Variants in PLXNA4 observed in about 807,000 individuals in gnomAD.
PLXNA4 encodes the protein plexin-A4.
PLXNA4 carries 44 observed loss-of-function variants against 191.8 expected under a neutral mutation model. That is an observed-to-expected ratio of 0.23 (90% CI 0.18 to 0.29). The LOEUF is 0.29. PLXNA4 is among the 10% of genes least tolerant of loss of function. PLXNA4 has a pLI of 1.00. For missense variants in PLXNA4, 1,800 were observed against 2,488.8 expected (o/e 0.72, Z 5.89); for synonymous variants, 1,082 against 1,009.5 (o/e 1.07, Z -1.36).
intron 21 of PLXNA4, among the ~76,000 whole-genome samples, chr7:132,172,772 T>TAATA (rs1030650222): frequency 6.6e-6 from 1 of 151,382 alleles, no homozygotes; most frequent in Non-Finnish European, 1.5e-5. Flanking sequence ...ATAATAATAA[T>TAATA]AATAATAATA....
intron 4 of PLXNA4, among the ~76,000 whole-genome samples, chr7:132,294,640 T>C (rs1438188088): frequency 6.6e-6 from 1 of 152,064 alleles, no homozygotes; most frequent in Non-Finnish European, 1.5e-5. Context: ...TGGTGGGAAA[T>C]AGCCATATTC....
intron 25 of PLXNA4, among the ~76,000 whole-genome samples, chr7:132,154,412 TG>T (rs1490902317): frequency 3.7e-3 from 179 of 47,844 alleles, no homozygotes; most frequent in African/African-American, 8.3e-3. Flanking sequence ...AAAAACGTTC[TG>T]TTTTTTTTTT....
chr7:132,179,758 T>A lies in PLXNA4; in HGVS notation c.3803A>T (p.Asp1268Val). The change falls in exon 20 of 32, where the codon GAC (aspartate) becomes GTC (valine). Residue 1268 changes from aspartate to valine, a missense_variant. Physicochemically the swap from Asp to Val is radical, Grantham distance 152 (BLOSUM62 -3). This residue lies in a region of PLXNA4 where 1,397 missense variants were observed against 1,880.4 expected (regional missense o/e 0.74). Coordinates refer to ENST00000321063, the MANE Select transcript of PLXNA4 (RefSeq NM_020911.2). ...CATCTGCAGCCGCTTCAGCGTGAGG[T>A]CACTTTCGCGGGACTTGCGTTTATA... ...IAYKRKSRES[D>V]LTLKRLQMQM... is the part of the protein sequence containing the mutation. 1 of 1,614,006 alleles carries A rather than the reference T, an allele frequency of 6.2e-7. No homozygotes were observed. Among genetic ancestry groups the A allele is most frequent in the Non-Finnish European group, 8.5e-7 (1 of 1,180,002 alleles).
At chr7:132,307,308 C>T (rs564288577) in intron 3 of PLXNA4, among the ~76,000 whole-genome samples, 5 of 152,264 alleles carry the variant, frequency 3.3e-5, no homozygotes, top group East Asian at 1.9e-4. Flanking sequence ...TTTTTCACAG[C>T]GCTTGTCCCC....
At chr7:132,338,181 A>G (rs1802891122) in intron 3 of PLXNA4, among the ~76,000 whole-genome samples, 1 of 152,194 alleles carries the variant, frequency 6.6e-6, no homozygotes, top group South Asian at 2.1e-4. Context: ...GGACCGCAGG[A>G]TGGAAGGCTA....
chr7:132,308,609 C>A (rs1040590387), intron 3 of PLXNA4, among the ~76,000 whole-genome samples: 2 of 152,138 alleles, frequency 1.3e-5, no homozygotes, highest in Non-Finnish European at 2.9e-5. Flanking sequence ...GGGCAAACAG[C>A]GTGACTCCCA....
At chr7:132,228,952 C>T (rs1020370277) in intron 5 of PLXNA4, among the ~76,000 whole-genome samples, 11 of 152,216 alleles carry the variant, frequency 7.2e-5, no homozygotes, top group African/African-American at 2.7e-4. Context: ...GATGCACCTG[C>T]AATCTCTCCT....
chr7:132,449,169 T>C (rs156936), intron 3 of PLXNA4, among the ~76,000 whole-genome samples: 1 of 152,084 alleles, frequency 6.6e-6, no homozygotes, highest in South Asian at 2.1e-4. Context: ...TTATAAGTTA[T>C]CTTGAGCTCA....
chr7:132,403,179 G>C (rs537343177), intron 3 of PLXNA4, among the ~76,000 whole-genome samples: 6 of 152,152 alleles, frequency 3.9e-5, no homozygotes, highest in Admixed American at 3.9e-4. Flanking sequence ...CCCAGGTCCC[G>C]GCCCCAGACT....
intron 17 of PLXNA4, 21 bp from the exon 18 acceptor site, chr7:132,181,641 T>G: frequency 6.2e-7 from 1 of 1,612,294 alleles, no homozygotes; most frequent in Non-Finnish European, 8.5e-7. Context: ...AGCCACAGAG[T>G]GGAGTCTATG....
chr7:132,311,195 C>CGCAT (rs1554411093), intron 3 of PLXNA4, among the ~76,000 whole-genome samples: 1 of 118,744 alleles, frequency 8.4e-6, no homozygotes, highest in Non-Finnish European at 1.8e-5. Context: ...TGTGTGTGTG[C>CGCAT]GCGTGTGGCC....
In PLXNA4 at chr7:132,161,018, G is replaced by A. The variant is rs558446139; in HGVS notation, c.4501-1386C>T. On this transcript the variant is annotated intron_variant, in intron 24 of 31. Transcript: ENST00000321063. Reference sequence around the variant, plus strand: ...TGGTGGAGAGACTGCTGCCTCAAGCGCTCCATGTGTGCCTCCTCCCAGCTC... The same window carrying A: ...TGGTGGAGAGACTGCTGCCTCAAGCACTCCATGTGTGCCTCCTCCCAGCTC... 3.9e-5 allele frequency among the ~76,000 whole-genome samples: 6 copies of A among 152,250 alleles called. No individual in the cohort carries two copies. In the East Asian group the frequency reaches 9.7e-4, roughly 25 times the overall value.
At position 132,228,336 on chromosome 7, in the gene PLXNA4, C is replaced by T. The variant is rs768818240; in HGVS notation, c.1728+10G>A. The T allele has an allele frequency of 3.2e-5, 51 of 1,613,860 alleles. No homozygotes were observed. Among genetic ancestry groups the T allele is most frequent in the Non-Finnish European group, 3.9e-5 (46 of 1,179,964 alleles). On this transcript the variant is annotated intron_variant, in intron 6 of 31. Transcript: ENST00000321063. ...TCCCTGGACCCCACCCCAACCCCCA[C>T]GACCCTTACCAGCACGTTGTACTGA...
chr7:132,363,720 T>A (rs985437353), intron 3 of PLXNA4, among the ~76,000 whole-genome samples: 4 of 152,270 alleles, frequency 2.6e-5, no homozygotes, highest in African/African-American at 9.6e-5. Context: ...GTGTAACCGC[T>A]GGATCATATA....
chr7:132,255,088 G>A (rs1045280755), intron 4 of PLXNA4, among the ~76,000 whole-genome samples: 4 of 152,160 alleles, frequency 2.6e-5, no homozygotes, highest in Non-Finnish European at 5.9e-5. Flanking sequence ...ATACCAAAAT[G>A]CCATTGCCTA....
chr7:132,149,890 C>T (rs867011001), intron 25 of PLXNA4, among the ~76,000 whole-genome samples: 1 of 152,190 alleles, frequency 6.6e-6, no homozygotes, highest in Non-Finnish European at 1.5e-5. Flanking sequence ...CAATTCCTCC[C>T]TGCATTGTGT....
intron 3 of PLXNA4, among the ~76,000 whole-genome samples, chr7:132,398,701 G>A (rs1793859084): frequency 6.6e-6 from 1 of 152,198 alleles, no homozygotes; most frequent in Admixed American, 6.5e-5. Context: ...CGGCCCAATA[G>A]GCTCAGGGCT....
At chr7:132,321,097 C>A (rs1480453493) in intron 3 of PLXNA4, among the ~76,000 whole-genome samples, 1 of 152,164 alleles carries the variant, frequency 6.6e-6, no homozygotes, top group Non-Finnish European at 1.5e-5. Context: ...GCCAGCTTCC[C>A]AGCACTGTTT....
chr7:132,641,566 C>T (rs925797532), intron 2 of PLXNA4, among the ~76,000 whole-genome samples: 2 of 152,142 alleles, frequency 1.3e-5, no homozygotes, highest in Admixed American at 6.5e-5. Flanking sequence ...AAGGGGGACA[C>T]AATTCAGGCT....
Sources: gnomAD v4.1 joint callset for allele counts (sites outside exome capture counted in the v4.1 genomes callset) on GRCh38, gnomAD v4.1.1 for gene constraint, gnomAD v4.1.1 regional missense constraint, MANE v1.5 for transcripts, NCBI Gene and HGNC (gene_info 2026-07-23, HGNC 2026-07-21) for gene names.